Variants in NEGR1 observed in about 807,000 individuals in gnomAD.
NEGR1 encodes neuronal growth regulator 1.
In NEGR1, 10 loss-of-function variants were observed where a neutral mutation model predicts 40.9. The observed-to-expected ratio is 0.24, with a 90% CI of 0.15 to 0.42. NEGR1 has a LOEUF of 0.42. Among genes scored for constraint, NEGR1 ranks in the 10% least tolerant of loss-of-function variants. NEGR1 has a pLI of 1.00. For missense variants in NEGR1, 352 were observed against 438.9 expected, an observed-to-expected ratio of 0.80 and a Z score of 1.77; for synonymous variants, 185 against 166.8, an observed-to-expected ratio of 1.11 and a Z score of -0.84.
chr1:71,578,588 A>C (rs1649034385), intron 6 of NEGR1, among the ~76,000 whole-genome samples: 2 of 152,122 alleles, frequency 1.3e-5, no homozygotes, highest in African/African-American at 4.8e-5. Flanking sequence ...AGACTATTTA[A>C]CGGTATTACT....
Position 72,249,516 on chromosome 1 carries a change from G to C in NEGR1, c.176+32803C>G, listed in dbSNP as rs149249581. On this transcript the variant is annotated intron_variant, in intron 1 of 6. Coordinates refer to ENST00000357731, the MANE Select transcript of NEGR1 (RefSeq NM_173808.3). ...AGGAACTATATATATGGGCTAGAGA[G>C]GAAATATGAAGTCAAGCTTCTGACC... 3.9e-3 allele frequency among the ~76,000 whole-genome samples: 597 copies of C among 152,194 alleles called. 23 individuals carry two copies. Among genetic ancestry groups the C allele is most frequent in the Admixed American group, 0.033 (500 of 15,282 alleles).
At chr1:71,744,034 G>A (rs753904910) in intron 3 of NEGR1, among the ~76,000 whole-genome samples, 17 of 152,058 alleles carry the variant, frequency 1.1e-4, no homozygotes, top group African/African-American at 2.2e-4. Context: ...TAGATGACCC[G>A]AGGATTAATT....
At chr1:71,658,469 T>C (rs1201720393) in intron 4 of NEGR1, among the ~76,000 whole-genome samples, 1 of 152,202 alleles carries the variant, frequency 6.6e-6, no homozygotes, top group Non-Finnish European at 1.5e-5. Flanking sequence ...CCAGAATTAT[T>C]TGCAAAGGTG....
At chr1:72,211,128 C>T (rs564213768) in intron 1 of NEGR1, among the ~76,000 whole-genome samples, 2 of 151,898 alleles carry the variant, frequency 1.3e-5, no homozygotes, top group South Asian at 2.1e-4. Context: ...TTCATCAGTG[C>T]CATTTTTCAG....
chr1:71,596,685 T>C (rs1649723809), intron 5 of NEGR1, among the ~76,000 whole-genome samples: 1 of 152,218 alleles, frequency 6.6e-6, no homozygotes, highest in African/African-American at 2.4e-5. Flanking sequence ...ATTTTATATA[T>C]AAATCCAGTC....
chr1:72,193,713 T>TTA (rs1310488828), intron 1 of NEGR1, among the ~76,000 whole-genome samples: 3 of 151,544 alleles, frequency 2.0e-5, no homozygotes, highest in Non-Finnish European at 4.4e-5. Context: ...CTGTATACTT[T>TTA]TATACAGATA....
intron 1 of NEGR1, among the ~76,000 whole-genome samples, chr1:71,974,255 G>A (rs1211950650): frequency 1.3e-5 from 2 of 152,112 alleles, no homozygotes; most frequent in African/African-American, 4.8e-5. Flanking sequence ...GGGATTCAAA[G>A]TAAGCTTGAG....
At chr1:72,196,355 G>C (rs1392028963) in intron 1 of NEGR1, among the ~76,000 whole-genome samples, 1 of 152,066 alleles carries the variant, frequency 6.6e-6, no homozygotes, top group African/African-American at 2.4e-5. Flanking sequence ...TTTTCAACAT[G>C]AATTTGTTTT....
intron 6 of NEGR1, among the ~76,000 whole-genome samples, chr1:71,459,303 T>G (rs1349366641): frequency 6.6e-6 from 1 of 152,200 alleles, no homozygotes; most frequent in East Asian, 1.9e-4. Flanking sequence ...TCCCTATAGA[T>G]TCCAAGATAA....
intron 4 of NEGR1, among the ~76,000 whole-genome samples, chr1:71,690,619 CAGAGAGAGAG>C (rs59019409): frequency 0.037 from 2,477 of 67,668 alleles, 32 homozygotes; most frequent in Middle Eastern, 0.077. Context: ...TAGAGGGAGA[CAGAGAGAGAG>C]AGAGAGAGAG....
In NEGR1 at chr1:71,689,967, G is replaced by A. The variant is rs536369162; in HGVS notation, c.667+8041C>T. Among the ~76,000 whole-genome samples the A allele has an allele frequency of 7.2e-5, 11 of 152,088 alleles. No homozygotes were observed. The East Asian group carries it at 1.9e-3, about 27-fold the overall frequency. On this transcript the variant is annotated intron_variant, in intron 4 of 6. Coordinates refer to ENST00000357731, the MANE Select transcript of NEGR1 (RefSeq NM_173808.3). The stretch of plus-strand genomic sequence containing the variant: ...ATAGATAAATAAGAAAGAAATGAGT[G>A]AAGACAAGCTAGCAAGCTTGAATGT...
intron 1 of NEGR1, among the ~76,000 whole-genome samples, chr1:72,247,279 AAG>A (rs1654932869): frequency 6.6e-6 from 1 of 152,166 alleles, no homozygotes; most frequent in Non-Finnish European, 1.5e-5. Flanking sequence ...AAGAAAAAGA[AAG>A]CTTTTTCTTT....
At chr1:71,761,632 A>G (rs998797493) in intron 3 of NEGR1, among the ~76,000 whole-genome samples, 1 of 152,156 alleles carries the variant, frequency 6.6e-6, no homozygotes, top group Non-Finnish European at 1.5e-5. Flanking sequence ...AAATATTGCT[A>G]TGTGGCCCTT....
intron 1 of NEGR1, among the ~76,000 whole-genome samples, chr1:72,016,402 G>C (rs1646710799): frequency 6.6e-6 from 1 of 152,092 alleles, no homozygotes; most frequent in African/African-American, 2.4e-5. Flanking sequence ...GGGAGAACCA[G>C]GTTTCAAACT....
chr1:72,034,075 T>A (rs1438716158), intron 1 of NEGR1, among the ~76,000 whole-genome samples: 1 of 152,234 alleles, frequency 6.6e-6, no homozygotes, highest in African/African-American at 2.4e-5. Context: ...ATCTGACTGT[T>A]TTCTTGTATT....
chr1:71,556,400 A>T (rs1457832610), intron 6 of NEGR1, among the ~76,000 whole-genome samples: 2 of 151,586 alleles, frequency 1.3e-5, no homozygotes, highest in Non-Finnish European at 3.0e-5. Context: ...AGTTAAAGAG[A>T]AAGAATTTCT....
chr1:72,022,260 C>CATATATATAGATATATATAT (rs1646766381), intron 1 of NEGR1, among the ~76,000 whole-genome samples: 1 of 111,664 alleles, frequency 9.0e-6, no homozygotes, highest in African/African-American at 3.1e-5. Flanking sequence ...AAACAATTTT[C>CATATATATAGATATATATAT]ATATATATAT....
chr1:71,740,977 T>C (rs1655194996), intron 3 of NEGR1, among the ~76,000 whole-genome samples: 1 of 152,212 alleles, frequency 6.6e-6, no homozygotes, highest in Admixed American at 6.6e-5. Flanking sequence ...AGCGACACCC[T>C]GCAGAGGTTG....
intron 1 of NEGR1, among the ~76,000 whole-genome samples, chr1:72,091,617 A>C (rs1002578363): frequency 6.6e-6 from 1 of 152,100 alleles, no homozygotes; most frequent in Non-Finnish European, 1.5e-5. Flanking sequence ...AGGACTGCAG[A>C]GTAGGGAGAA....
Sources: gnomAD v4.1 joint callset for allele counts (sites outside exome capture counted in the v4.1 genomes callset) on GRCh38, gnomAD v4.1.1 for gene constraint, MANE v1.5 for transcripts, NCBI Gene and HGNC (gene_info 2026-07-23, HGNC 2026-07-21) for gene names.